MTUS1: variants seen among roughly 807,000 people sequenced by gnomAD.
The protein encoded by MTUS1 is microtubule associated scaffold protein 1, also known as microtubule-associated tumor suppressor 1.
A neutral mutation model predicts 120.8 loss-of-function variants in MTUS1; 109 were observed. The observed-to-expected ratio is 0.90, with a 90% CI of 0.77 to 1.06. The LOEUF is 1.06. MTUS1 is among the 50% of genes least tolerant of loss of function. The pLI is 0.00. For synonymous variants in MTUS1, 737 were observed against 550.5 expected (o/e 1.34, Z -4.74); for missense variants, 2,210 against 1,486.3 (o/e 1.49, Z -8.01).
chr8:17,798,672 T>G (rs1236772435), intron 1 of MTUS1, among the ~76,000 whole-genome samples: 1 of 152,210 alleles, frequency 6.6e-6, no homozygotes, highest in Admixed American at 6.5e-5. Flanking sequence ...TCACATATAG[T>G]TCTGAAGCTA....
At chr8:17,711,876 G>A (rs910818531) in intron 6 of MTUS1, among the ~76,000 whole-genome samples, 7 of 152,020 alleles carry the variant, frequency 4.6e-5, no homozygotes, top group Non-Finnish European at 8.8e-5. Context: ...TGTGTCTCAG[G>A]GAATAAGGAA....
chr8:17,669,348 C>T (rs1216746738), intron 8 of MTUS1, among the ~76,000 whole-genome samples: 8 of 152,028 alleles, frequency 5.3e-5, no homozygotes, highest in African/African-American at 1.9e-4. Flanking sequence ...AGAGAGGATA[C>T]CGTGCAAAAG....
chr8:17,664,936 C>T (rs12541367), intron 8 of MTUS1, among the ~76,000 whole-genome samples: 9,177 of 152,170 alleles, frequency 0.06, 481 homozygotes, highest in East Asian at 0.24. Flanking sequence ...AGGTGGGACC[C>T]AGACTATCCC....
At chr8:17,729,849 G>C (rs2937890) in intron 3 of MTUS1, among the ~76,000 whole-genome samples, 1 of 151,752 alleles carries the variant, frequency 6.6e-6, no homozygotes, top group Non-Finnish European at 1.5e-5. Flanking sequence ...CAAAGGACTC[G>C]AATAGACATT....
chr8:17,770,441 G>C (rs1331247622), intron 1 of MTUS1: 1 of 152,134 alleles, frequency 6.6e-6, no homozygotes, highest in Non-Finnish European at 1.5e-5. Flanking sequence ...ATATTCCTCA[G>C]AATATCAAAA....
intron 9 of MTUS1, among the ~76,000 whole-genome samples, chr8:17,655,552 C>T (rs1295123440): frequency 2.0e-5 from 3 of 151,912 alleles, no homozygotes; most frequent in South Asian, 2.1e-4. Flanking sequence ...GGTGAAACCC[C>T]GTCTCTACTA....
chr8:17,729,973 G>A (rs2046451297), intron 3 of MTUS1, among the ~76,000 whole-genome samples: 2 of 141,142 alleles, frequency 1.4e-5, no homozygotes, highest in Admixed American at 7.2e-5. Flanking sequence ...TACCTAATGG[G>A]ATGCTATCAT....
At chr8:17,744,939 T>A (rs1259062181) in intron 2 of MTUS1, among the ~76,000 whole-genome samples, 2 of 152,188 alleles carry the variant, frequency 1.3e-5, no homozygotes, top group African/African-American at 4.8e-5. Flanking sequence ...AACTAACGTG[T>A]ATCTCAAATG....
chr8:17,671,615 C>G (rs1477608065), intron 8 of MTUS1, among the ~76,000 whole-genome samples: 1 of 152,198 alleles, frequency 6.6e-6, no homozygotes, highest in Non-Finnish European at 1.5e-5. Flanking sequence ...TCAGTGGATG[C>G]TGGGACAGCT....
rs932268027 is a variant in MTUS1, at chr8:17,756,559, G to C, written c.-154-598C>G. Among the ~76,000 whole-genome samples, 7 of 151,794 alleles carry C rather than the reference G, an allele frequency of 4.6e-5. No individual in the cohort carries two copies. The South Asian group carries it at 1.5e-3, about 32-fold the overall frequency. On this transcript the variant is annotated intron_variant, in intron 1 of 14. Coordinates refer to ENST00000693296, the MANE Select transcript of MTUS1 (RefSeq NM_001363059.2). ...AATTGAAGGGGAAAAAAAAATTGTC[G>C]ATTCTTAAAGGCTCCAGTGGTACCC...
At chr8:17,759,141 A>G (rs1456456534) in intron 1 of MTUS1, among the ~76,000 whole-genome samples, 2 of 151,872 alleles carry the variant, frequency 1.3e-5, no homozygotes, top group Non-Finnish European at 2.9e-5. Context: ...TCGGCCTCCC[A>G]AAGTGCTGGG....
At chr8:17,709,545 G>A (rs1030185847) in intron 6 of MTUS1, among the ~76,000 whole-genome samples, 8 of 152,036 alleles carry the variant, frequency 5.3e-5, no homozygotes, top group African/African-American at 1.7e-4. Flanking sequence ...ACAAACTGTA[G>A]TCAACATTCT....
At chr8:17,761,570 G>A (rs2049040464) in intron 1 of MTUS1, among the ~76,000 whole-genome samples, 1 of 152,152 alleles carries the variant, frequency 6.6e-6, no homozygotes, top group Admixed American at 6.5e-5. Context: ...AAGAGTAGAT[G>A]TCTTCTATAT....
chr8:17,722,281 A>G (rs1008612454), intron 4 of MTUS1: 220 of 983,892 alleles, frequency 2.2e-4, no homozygotes, highest in South Asian at 4.2e-4. Context: ...GGCACTACAG[A>G]CTGTGTCTGC....
intron 6 of MTUS1, among the ~76,000 whole-genome samples, chr8:17,701,641 G>A (rs367599362): frequency 5.9e-5 from 9 of 151,946 alleles, no homozygotes; most frequent in African/African-American, 1.9e-4. Flanking sequence ...TCCACCTCTC[G>A]GGTTCAAGTG....
At chr8:17,649,628 G>A (rs1367882805) in intron 13 of MTUS1, among the ~76,000 whole-genome samples, 1 of 152,178 alleles carries the variant, frequency 6.6e-6, no homozygotes, top group Non-Finnish European at 1.5e-5. Context: ...AGGACTGGGT[G>A]CTGTTTTACA....
At chr8:17,648,019 T>A (rs1441143336) in intron 13 of MTUS1, among the ~76,000 whole-genome samples, 3 of 152,218 alleles carry the variant, frequency 2.0e-5, no homozygotes, top group African/African-American at 7.2e-5. Context: ...GGAGTCTACG[T>A]TCAGTAATTA....
intron 6 of MTUS1, among the ~76,000 whole-genome samples, chr8:17,711,996 A>G (rs1341498977): frequency 1.3e-5 from 2 of 152,206 alleles, no homozygotes; most frequent in East Asian, 3.9e-4. Flanking sequence ...ATGGTGTCCC[A>G]AAACAATCAC....
Position 17,656,754 on chromosome 8 carries a change from G to A in MTUS1, c.2906-689C>T, listed in dbSNP as rs187175149. 6.2e-3 allele frequency among the ~76,000 whole-genome samples: 937 copies of A among 152,062 alleles called. 1 individual carries two copies. Among genetic ancestry groups the A allele is most frequent in the Non-Finnish European group, 9.4e-3 (640 of 67,986 alleles). ...GCCAGTGTGGTAGAAGCTCACACAA[G>A]AGCAGGAAAGACGAGGGATAAGAAA... On this transcript the variant is annotated intron_variant, in intron 8 of 14. Coordinates refer to ENST00000693296, the MANE Select transcript of MTUS1 (RefSeq NM_001363059.2).
Sources: allele counts gnomAD v4.1 joint callset (sites outside exome capture counted in the v4.1 genomes callset), GRCh38; gene constraint gnomAD v4.1.1; transcripts MANE v1.5; gene names NCBI Gene and HGNC (gene_info 2026-07-23, HGNC 2026-07-21).